The following MAGI1 variants were observed in gnomAD, a reference collection of about 807,000 sequenced individuals.
MAGI1 encodes membrane associated guanylate kinase, WW and PDZ domain containing 1, also known as membrane-associated guanylate kinase, WW and PDZ domain-containing protein 1.
In MAGI1, 58 loss-of-function variants were observed where a neutral mutation model predicts 139.9. That is an observed-to-expected ratio of 0.41 (90% CI 0.34 to 0.52). The LOEUF is 0.52. Among genes scored for constraint, MAGI1 ranks in the 20% least tolerant of loss-of-function variants. The pLI is 0.12. For synonymous variants in MAGI1, 812 were observed against 737.9 expected (o/e 1.10, Z -1.63); for missense variants, 1,874 against 1,901.6 (o/e 0.99, Z 0.27).
intron 1 of MAGI1, among the ~76,000 whole-genome samples, chr3:65,864,061 G>A (rs2059640347): frequency 6.6e-6 from 1 of 151,988 alleles, no homozygotes; most frequent in East Asian, 1.9e-4. Flanking sequence ...TAGGGTGAGT[G>A]AATGAATAAA....
chr3:65,589,369 T>C (rs1024194612), intron 2 of MAGI1, among the ~76,000 whole-genome samples: 4 of 152,138 alleles, frequency 2.6e-5, no homozygotes, highest in Non-Finnish European at 5.9e-5. Context: ...CCTTGTGACT[T>C]TCCCGTCTAC....
At chr3:65,514,633 G>A (rs1375982879) in intron 2 of MAGI1, among the ~76,000 whole-genome samples, 1 of 131,804 alleles carries the variant, frequency 7.6e-6, no homozygotes, top group Non-Finnish European at 1.6e-5. Flanking sequence ...CAGTTAGAAT[G>A]GCAATCATTA....
rs367937271 is a variant in MAGI1 at position 65,525,737 on chromosome 3, A to C, written c.431-32106T>G. On this transcript the variant is annotated intron_variant, in intron 2 of 22. Coordinates refer to ENST00000402939, the MANE Select transcript of MAGI1 (RefSeq NM_001033057.2). ...AAACAACTTACCTTGTCAATAATAT[A>C]GCGGTAGAATGTGCTTAACTCAACA... Among the ~76,000 whole-genome samples the C allele has an allele frequency of 3.3e-5, 5 of 152,344 alleles. No homozygotes were observed. The South Asian group carries it at 1.0e-3, about 32-fold the overall frequency.
intron 1 of MAGI1, among the ~76,000 whole-genome samples, chr3:65,763,026 C>T (rs1364453715): frequency 6.6e-6 from 1 of 152,154 alleles, no homozygotes; most frequent in African/African-American, 2.4e-5. Flanking sequence ...ATCACTACTA[C>T]TTTGGGGAAC....
chr3:65,938,729 A>C (rs1201639408), intron 1 of MAGI1, among the ~76,000 whole-genome samples: 2 of 152,216 alleles, frequency 1.3e-5, no homozygotes, highest in Non-Finnish European at 2.9e-5. Flanking sequence ...TCTTCGGTGT[A>C]ACAATGACCT....
rs540388656 is a variant in MAGI1, at chr3:65,808,199, G to A, written c.314-186111C>T. Among the ~76,000 whole-genome samples the A allele has an allele frequency of 4.6e-5, 7 of 152,166 alleles. No individual in the cohort carries two copies. In the South Asian group the frequency reaches 1.0e-3, roughly 23 times the overall value. ...ACGGTTTCTCCTTGTTGGTCAGGCTGGTCTCAAACTCCCAACCTCAGGTGA... is the reference window on the plus strand; with the variant it reads ...ACGGTTTCTCCTTGTTGGTCAGGCTAGTCTCAAACTCCCAACCTCAGGTGA... On this transcript the variant is annotated intron_variant, in intron 1 of 22. Coordinates refer to ENST00000402939, the MANE Select transcript of MAGI1 (RefSeq NM_001033057.2).
At chr3:65,818,548 G>A (rs1239563266) in intron 1 of MAGI1, among the ~76,000 whole-genome samples, 1 of 152,204 alleles carries the variant, frequency 6.6e-6, no homozygotes, top group African/African-American at 2.4e-5. Context: ...GAGGGGCAGA[G>A]GGTAAGGAGT....
At chr3:65,455,582 CACACACTAGCCAGGTGTGGTGGT>C (rs1451051741) in intron 5 of MAGI1, among the ~76,000 whole-genome samples, 1 of 151,808 alleles carries the variant, frequency 6.6e-6, no homozygotes, top group Non-Finnish European at 1.5e-5. Context: ...GGTGTGGTGG[CACACACTAGCCAGGTGTGGTGGT>C]GCGCACCTGT....
chr3:65,783,007 C>CAAA (rs200240907), intron 1 of MAGI1, among the ~76,000 whole-genome samples: 4 of 148,088 alleles, frequency 2.7e-5, no homozygotes, highest in Non-Finnish European at 6.0e-5. Flanking sequence ...ACAACAACAA[C>CAAA]AAAAAAAAGA....
chr3:65,844,564 A>C (rs1382790598), intron 1 of MAGI1: 1 of 191,930 alleles, frequency 5.2e-6, no homozygotes, highest in East Asian at 1.7e-4. Context: ...TGATCTTGCC[A>C]AAGAACTCCA....
chr3:65,943,880 A>G (rs2063434313), intron 1 of MAGI1, among the ~76,000 whole-genome samples: 1 of 152,204 alleles, frequency 6.6e-6, no homozygotes, highest in Admixed American at 6.5e-5. Context: ...AAGTCATTAG[A>G]TATCCTGCAA....
intron 2 of MAGI1, among the ~76,000 whole-genome samples, chr3:65,570,719 T>G (rs2080917837): frequency 6.6e-6 from 1 of 152,222 alleles, no homozygotes; most frequent in Non-Finnish European, 1.5e-5. Context: ...GATGGGCATC[T>G]GGGCATCTAA....
intron 1 of MAGI1, among the ~76,000 whole-genome samples, chr3:66,031,344 T>C (rs1341337544): frequency 6.6e-6 from 1 of 152,226 alleles, no homozygotes; most frequent in African/African-American, 2.4e-5. Context: ...ATGTAAACCC[T>C]TGTGGTAAGG....
At chr3:66,002,240 C>T (rs1363874995) in intron 1 of MAGI1, among the ~76,000 whole-genome samples, 2 of 152,088 alleles carry the variant, frequency 1.3e-5, no homozygotes, top group Admixed American at 6.5e-5. Flanking sequence ...GAAAAAAACA[C>T]GTCTGGATGG....
chr3:65,555,507 G>C (rs1433303279), intron 2 of MAGI1, among the ~76,000 whole-genome samples: 1 of 152,090 alleles, frequency 6.6e-6, no homozygotes, highest in Non-Finnish European at 1.5e-5. Context: ...CACATGCCTA[G>C]AACACTGCTT....
intron 1 of MAGI1, among the ~76,000 whole-genome samples, chr3:65,935,222 A>C (rs756404084): frequency 7.9e-5 from 12 of 152,196 alleles, no homozygotes; most frequent in Non-Finnish European, 1.2e-4. Flanking sequence ...ACATGTTTTC[A>C]GGCCAAAAGC....
chr3:65,442,750 G>A lies in MAGI1; in HGVS notation c.1136+42C>T, dbSNP rs199629207. ...CTTAACACAAATGTACATAATTATA[G>A]AGAGGTATAAACTAATGTGTGGATT... On this transcript the variant is annotated intron_variant, in intron 8 of 22. Transcript: ENST00000402939. 1.9e-5 allele frequency: 27 copies of A among 1,424,026 alleles called. No homozygotes were observed. In the Admixed American group the frequency reaches 3.1e-4, roughly 16 times the overall value. The allele number at this position is 1,424,026 out of a possible 1,614,324, so 88.2% of individuals were successfully genotyped here.
At chr3:65,630,730 G>A (rs1485423084) in intron 1 of MAGI1, among the ~76,000 whole-genome samples, 2 of 152,152 alleles carry the variant, frequency 1.3e-5, no homozygotes, top group Non-Finnish European at 2.9e-5. Flanking sequence ...AGAGGTGGGT[G>A]AGGGATAAAA....
At chr3:65,544,464 C>T (rs1272929556) in intron 2 of MAGI1, among the ~76,000 whole-genome samples, 1 of 152,080 alleles carries the variant, frequency 6.6e-6, no homozygotes, top group Non-Finnish European at 1.5e-5. Flanking sequence ...GGGGAGGGTT[C>T]AAAGTAGTAG....
Sources: allele counts gnomAD v4.1 joint callset (sites outside exome capture counted in the v4.1 genomes callset), GRCh38; gene constraint gnomAD v4.1.1; transcripts MANE v1.5; gene names NCBI Gene and HGNC (gene_info 2026-07-23, HGNC 2026-07-21).